Variants in APBB2 observed in about 807,000 individuals in gnomAD.
APBB2 encodes the protein Fe65-like 1.
APBB2 carries 38 observed loss-of-function variants against 82.5 expected under a neutral mutation model. That is an observed-to-expected ratio of 0.46 (90% CI 0.36 to 0.60). The LOEUF is 0.60. APBB2 is among the 20% of genes least tolerant of loss of function. The pLI, the probability that APBB2 is intolerant of heterozygous loss-of-function variation, is 0.00. For synonymous variants in APBB2, 341 were observed against 368.2 expected, an observed-to-expected ratio of 0.93 and a Z score of 0.85; for missense variants, 772 against 972.3, an observed-to-expected ratio of 0.79 and a Z score of 2.74.
chr4:41,169,868 T>A (rs1381939245), intron 1 of APBB2, among the ~76,000 whole-genome samples: 1 of 149,882 alleles, frequency 6.7e-6, no homozygotes, highest in Non-Finnish European at 1.5e-5. Context: ...TTTTTTTTTT[T>A]AAGAAGATAA....
intron 2 of APBB2, among the ~76,000 whole-genome samples, chr4:41,137,403 T>C (rs538548477): frequency 6.6e-6 from 1 of 152,206 alleles, no homozygotes; most frequent in African/African-American, 2.4e-5. Flanking sequence ...AAGTCATATA[T>C]ATAGTAATCT....
chr4:41,097,403 T>C (rs1254333205), intron 3 of APBB2, among the ~76,000 whole-genome samples: 2 of 152,210 alleles, frequency 1.3e-5, no homozygotes, highest in East Asian at 3.8e-4. Flanking sequence ...GAAAAACCTA[T>C]GCCATATATT....
At position 40,832,704 on chromosome 4, in the gene APBB2, G is replaced by A. The variant is rs1019461864; in HGVS notation, c.1530-2127C>T. ...CTGAAGATGGGTGAGAGCCTGGAAG[G>A]TTCCTCGCACACACAGTACATACAC... On this transcript the variant is annotated intron_variant, in intron 12 of 17. Coordinates refer to ENST00000508593, the MANE Select transcript of APBB2 (RefSeq NM_004307.2). The surrounding 1 kb of genome is among the most constrained non-coding windows in gnomAD (Gnocchi z 4.8). Among the ~76,000 whole-genome samples, 1 of 152,184 alleles carries A rather than the reference G, an allele frequency of 6.6e-6. No individual in the cohort carries two copies. The highest frequency in any genetic ancestry group is 6.5e-5 in the Admixed American group (1 of 15,278).
intron 6 of APBB2, among the ~76,000 whole-genome samples, chr4:40,964,915 T>C (rs2154395380): frequency 6.6e-6 from 1 of 152,182 alleles, no homozygotes; most frequent in East Asian, 1.9e-4. Context: ...GGTCAGGAGA[T>C]CGAGACCATC....
chr4:40,962,072 C>A (rs1793444784), intron 6 of APBB2, among the ~76,000 whole-genome samples: 1 of 152,122 alleles, frequency 6.6e-6, no homozygotes, highest in African/African-American at 2.4e-5. Context: ...ATGGCAAAAC[C>A]AATTAGCTGC....
intron 10 of APBB2, among the ~76,000 whole-genome samples, chr4:40,921,406 T>G (rs1208489276): frequency 6.6e-6 from 1 of 152,178 alleles, no homozygotes; most frequent in Non-Finnish European, 1.5e-5. Flanking sequence ...CTCCCCTGCA[T>G]GGTGGTTCTG....
At chr4:40,906,062 A>G (rs914761350) in intron 10 of APBB2, among the ~76,000 whole-genome samples, 1 of 152,198 alleles carries the variant, frequency 6.6e-6, no homozygotes, top group Non-Finnish European at 1.5e-5. Flanking sequence ...TGACATCAAC[A>G]TGCTTTCCTT....
intron 12 of APBB2, among the ~76,000 whole-genome samples, chr4:40,883,322 C>T (rs771528812): frequency 7.7e-4 from 117 of 152,072 alleles, no homozygotes; most frequent in Admixed American, 1.6e-3. Context: ...GACGGTGGCT[C>T]ACACCAGTAA....
At chr4:40,823,540 T>C (rs1748730418) in intron 16 of APBB2, 104 bp downstream of exon 16, 1 of 780,522 alleles carries the variant, frequency 1.3e-6, no homozygotes, top group South Asian at 1.6e-5. Flanking sequence ...ATCACAAGGA[T>C]GCACAACTCC....
intron 12 of APBB2, among the ~76,000 whole-genome samples, chr4:40,842,930 G>A (rs544208620): frequency 6.6e-6 from 1 of 152,272 alleles, no homozygotes; most frequent in South Asian, 2.1e-4. Context: ...GGAGATGACA[G>A]CTCAATGGGG....
At chr4:40,994,912 A>G (rs1803215996) in intron 6 of APBB2, among the ~76,000 whole-genome samples, 1 of 151,802 alleles carries the variant, frequency 6.6e-6, no homozygotes, top group African/African-American at 2.4e-5. Context: ...GAAGGAAAAT[A>G]TTACTGTATC....
rs772502891 is a variant in APBB2 at position 40,851,736 on chromosome 4, A to AT, written c.1530-21160dup. Among the ~76,000 whole-genome samples the AT allele has an allele frequency of 2.0e-3, 162 of 82,806 alleles. 1 individual carries two copies. The highest frequency in any genetic ancestry group is 8.2e-3 in the African/African-American group (153 of 18,716). The allele number at this position is 82,806 out of a possible 152,430, so 54.3% of individuals were successfully genotyped here. ...TCTATGCATATATATATATATATAT[A>AT]TATTTTTTTTTTTTTTTTTTTTCAA... On this transcript the variant is annotated intron_variant, in intron 12 of 17. Transcript: ENST00000508593.
chr4:40,897,704 C>G (rs1253789868), intron 10 of APBB2, among the ~76,000 whole-genome samples: 1 of 152,172 alleles, frequency 6.6e-6, no homozygotes. Context: ...CGGGACTAGG[C>G]AGCTCCGCCC....
At chr4:40,898,744 A>G (rs1774401895) in intron 10 of APBB2, among the ~76,000 whole-genome samples, 1 of 150,182 alleles carries the variant, frequency 6.7e-6, no homozygotes, top group Non-Finnish European at 1.5e-5. Flanking sequence ...ATGGTGGCTC[A>G]TGCTTGTAAT....
At chr4:41,120,154 G>A (rs1377834812) in intron 2 of APBB2, among the ~76,000 whole-genome samples, 2 of 151,872 alleles carry the variant, frequency 1.3e-5, no homozygotes, top group Non-Finnish European at 2.9e-5. Context: ...CATGCCAGCT[G>A]TGTTTTCACT....
chr4:40,977,483 T>TC (rs1797468806), intron 6 of APBB2, among the ~76,000 whole-genome samples: 1 of 152,088 alleles, frequency 6.6e-6, no homozygotes, highest in Non-Finnish European at 1.5e-5. Flanking sequence ...CAACTAATTT[T>TC]TGTATTTTTA....
intron 3 of APBB2, among the ~76,000 whole-genome samples, chr4:41,078,313 T>G (rs1158152362): frequency 6.6e-6 from 1 of 152,208 alleles, no homozygotes; most frequent in Non-Finnish European, 1.5e-5. Flanking sequence ...TTCTGAGAAG[T>G]GGAAAACGGC....
At chr4:40,954,759 G>A (rs1791128846) in intron 6 of APBB2, among the ~76,000 whole-genome samples, 1 of 152,176 alleles carries the variant, frequency 6.6e-6, no homozygotes, top group Admixed American at 6.5e-5. Flanking sequence ...TGCCTCCCAG[G>A]TTCAAGCAAT....
chr4:40,817,644 G>A (rs1009297081), intron 17 of APBB2, among the ~76,000 whole-genome samples: 3 of 151,880 alleles, frequency 2.0e-5, no homozygotes, highest in Non-Finnish European at 2.9e-5. Flanking sequence ...CCCGCCCCAC[G>A]TATACCAAGG....
Sources: gnomAD v4.1 joint callset for allele counts (sites outside exome capture counted in the v4.1 genomes callset) on GRCh38, gnomAD v4.1.1 for gene constraint, Gnocchi (gnomAD v3.1) non-coding constraint, MANE v1.5 for transcripts, NCBI Gene and HGNC (gene_info 2026-07-23, HGNC 2026-07-21) for gene names.